The following ABLIM3 variants were observed in gnomAD, a reference collection of about 807,000 sequenced individuals.
The protein encoded by ABLIM3 is actin-binding LIM protein 3.
A neutral mutation model predicts 109.5 loss-of-function variants in ABLIM3; 61 were observed. That is an observed-to-expected ratio of 0.56 (90% CI 0.45 to 0.69). The LOEUF (loss-of-function observed/expected upper bound fraction) is 0.69, where lower values mean the gene tolerates loss of function less well. ABLIM3 is among the 30% of genes least tolerant of loss of function. The probability of loss-of-function intolerance (pLI) is 0.00; values close to 1 mark genes in which losing one functional copy is unlikely to be tolerated. For missense variants in ABLIM3, 796 were observed against 889.5 expected (o/e 0.89, Z 1.34); for synonymous variants, 300 against 324.8 (o/e 0.92, Z 0.82).
In ABLIM3 at chr5:149,142,081, T is replaced by G. The variant is rs777135830; in HGVS notation, c.-15T>G. Reference sequence around the variant, plus strand: ...CCTCCGTATTGAATGAAAGACCCAGTGCAAAGACATCACCATGAACACTAG... The same window carrying G: ...CCTCCGTATTGAATGAAAGACCCAGGGCAAAGACATCACCATGAACACTAG... On this transcript the variant is annotated 5_prime_UTR_variant, in exon 2 of 24. Coordinates refer to ENST00000309868, the MANE Select transcript of ABLIM3 (RefSeq NM_014945.5). 9 of 1,610,986 alleles carry G rather than the reference T, an allele frequency of 5.6e-6. No individual in the cohort carries two copies. Among genetic ancestry groups the G allele is most frequent in the Non-Finnish European group, 7.6e-6 (9 of 1,179,732 alleles).
chr5:149,227,624 C>A (rs1054708909), intron 8 of ABLIM3, among the ~76,000 whole-genome samples: 1 of 152,114 alleles, frequency 6.6e-6, no homozygotes, highest in African/African-American at 2.4e-5. Flanking sequence ...AGGGAGTTGG[C>A]GTCAGTGGCT....
At chr5:149,211,841 G>T (rs1165052487) in intron 7 of ABLIM3, among the ~76,000 whole-genome samples, 1 of 152,042 alleles carries the variant, frequency 6.6e-6, no homozygotes, top group African/African-American at 2.4e-5. Flanking sequence ...GATAGAGGAA[G>T]AATGAGCTTG....
At chr5:149,240,615 G>A (rs1166915513) in intron 13 of ABLIM3, 61 bp from the exon 14 acceptor site, 15 of 1,369,980 alleles carry the variant, frequency 1.1e-5, no homozygotes, top group Admixed American at 5.0e-5. Context: ...CTGCCACCGC[G>A]TTAATGCCTG....
chr5:149,230,663 C>T lies in ABLIM3; in HGVS notation c.772C>T (p.His258Tyr). The change falls in exon 9 of 24, where the codon CAC becomes TAC. Residue 258 changes from histidine to tyrosine, a missense_variant. His to Tyr is a moderately conservative substitution (Grantham distance 83). Transcript: ENST00000309868. ...EMYLTGSEVW[H>Y]PICKQAARAE... ...TGACCCCTTAGGTTCCGAGGTTTGG[C>T]ACCCCATCTGCAAACAGGCAGCCCG... 1 of 1,614,006 alleles carries T rather than the reference C, an allele frequency of 6.2e-7. No homozygotes were observed. Among genetic ancestry groups the T allele is most frequent in the Non-Finnish European group, 8.5e-7 (1 of 1,179,948 alleles).
chr5:149,144,584 C>T (rs1752756239), intron 2 of ABLIM3, among the ~76,000 whole-genome samples: 2 of 152,170 alleles, frequency 1.3e-5, no homozygotes, highest in South Asian at 4.1e-4. Flanking sequence ...CTCCACCAGC[C>T]ACCATGCTAA....
At chr5:149,147,424 G>A (rs1003586979) in intron 2 of ABLIM3, among the ~76,000 whole-genome samples, 3 of 152,062 alleles carry the variant, frequency 2.0e-5, no homozygotes, top group Admixed American at 1.3e-4. Context: ...TACTTGATAT[G>A]GTGAATTAAC....
chr5:149,254,969 A>C (rs1754301717), intron 23 of ABLIM3, among the ~76,000 whole-genome samples: 1 of 152,216 alleles, frequency 6.6e-6, no homozygotes, highest in Non-Finnish European at 1.5e-5. Flanking sequence ...ACACTGCCCC[A>C]GCCTCCTGCA....
chr5:149,242,411 C>A, intron 14 of ABLIM3, 80 bp from the exon 15 acceptor site: 1 of 1,430,890 alleles, frequency 7.0e-7, no homozygotes, highest in South Asian at 1.1e-5. Flanking sequence ...ATCAACTGAC[C>A]AAGTACTATC....
Position 149,252,494 on chromosome 5 carries a change from T to A in ABLIM3, c.1858-263T>A, listed in dbSNP as rs372760577. 1.5e-3 allele frequency: 847 copies of A among 551,990 alleles called. 7 individuals carry two copies. Among genetic ancestry groups the A allele is most frequent in the African/African-American group, 0.014 (732 of 53,090 alleles). 34.2% of individuals were successfully genotyped at this position (551,990 alleles called of 1,614,324 possible). ...AGACACTTACATTCGGGAGGTCATG[T>A]GCCCATATTATTCCATGGGCACATG... is the stretch of plus-strand genomic sequence containing the variant. On this transcript the variant is annotated intron_variant, in intron 22 of 23. Coordinates refer to ENST00000309868, the MANE Select transcript of ABLIM3 (RefSeq NM_014945.5).
chr5:149,173,473 C>T (rs975769008), intron 2 of ABLIM3, among the ~76,000 whole-genome samples: 8 of 152,052 alleles, frequency 5.3e-5, no homozygotes, highest in African/African-American at 1.9e-4. Context: ...CTGGTGTGGC[C>T]AGCATCATAG....
chr5:149,197,605 C>A (rs908635018), intron 3 of ABLIM3, among the ~76,000 whole-genome samples: 1 of 152,190 alleles, frequency 6.6e-6, no homozygotes, highest in Non-Finnish European at 1.5e-5. Context: ...GACTTCAAAT[C>A]ATCCATCCCA....
At chr5:149,258,162 A>G (rs1754610549) in intron 23 of ABLIM3, 129 bp from the exon 24 acceptor site, 2 of 678,582 alleles carry the variant, frequency 2.9e-6, no homozygotes, top group Admixed American at 5.6e-5. Flanking sequence ...CTCAGGCACC[A>G]TGCAAGGCAC....
intron 10 of ABLIM3, among the ~76,000 whole-genome samples, chr5:149,236,590 C>T (rs1204525668): frequency 6.6e-6 from 1 of 152,062 alleles, no homozygotes; most frequent in Non-Finnish European, 1.5e-5. Flanking sequence ...TCTTTCAATC[C>T]ATGCAGCTCT....
intron 8 of ABLIM3, 124 bp from the exon 9 acceptor site, chr5:149,230,525 G>C: frequency 2.0e-6 from 2 of 996,040 alleles, no homozygotes; most frequent in South Asian, 2.7e-5. Flanking sequence ...GGAAAGCCAA[G>C]AGGGCCCTTC....
rs1278729522 is a variant in ABLIM3, at chr5:149,149,559, G to A, written c.13+7451G>A. 2.6e-5 allele frequency among the ~76,000 whole-genome samples: 4 copies of A among 152,298 alleles called. No homozygotes were observed. In the East Asian group the frequency reaches 7.7e-4, roughly 29 times the overall value. ...TTGTATATGGCATGGGTTGAAAAAG[G>A]GAAGACAGGAAGTTAGGATCCCAAT... On this transcript the variant is annotated intron_variant, in intron 2 of 23. Transcript: ENST00000309868.
intron 2 of ABLIM3, chr5:149,176,894 C>G (rs1286931091): frequency 6.6e-6 from 1 of 152,202 alleles, no homozygotes; most frequent in Non-Finnish European, 1.5e-5. Context: ...CTCTTCCCAC[C>G]TCACCCTCTC....
intron 10 of ABLIM3, among the ~76,000 whole-genome samples, chr5:149,236,546 T>A (rs2127554035): frequency 6.6e-6 from 1 of 152,190 alleles, no homozygotes; most frequent in African/African-American, 2.4e-5. Flanking sequence ...TCAGGGGCCA[T>A]GAGATGCGGG....
chr5:149,166,871 T>C (rs149379339), intron 2 of ABLIM3, among the ~76,000 whole-genome samples: 1 of 152,330 alleles, frequency 6.6e-6, no homozygotes, highest in Non-Finnish European at 1.5e-5. Context: ...AGCAAGACTG[T>C]GTTCCAATAA....
In ABLIM3 at chr5:149,252,109, C is replaced by T. The variant is rs372280846; in HGVS notation, c.1850-92C>T. 128 of 1,458,696 alleles carry T rather than the reference C, an allele frequency of 8.8e-5. No homozygotes were observed. In the African/African-American group the frequency reaches 1.0e-3, roughly 12 times the overall value. 90.4% of individuals were successfully genotyped at this position (1,458,696 alleles called of 1,614,324 possible). Reference sequence around the variant, plus strand: ...AGAAGGAGACAATAGAGGCCAGACCCCCTGAGAGAGTAGGACAGAGGCCTG... The same window carrying T: ...AGAAGGAGACAATAGAGGCCAGACCTCCTGAGAGAGTAGGACAGAGGCCTG... On this transcript the variant is annotated intron_variant, in intron 21 of 23. Coordinates refer to ENST00000309868, the MANE Select transcript of ABLIM3 (RefSeq NM_014945.5).
Sources: gnomAD v4.1 joint callset for allele counts (sites outside exome capture counted in the v4.1 genomes callset) on GRCh38, gnomAD v4.1.1 for gene constraint, MANE v1.5 for transcripts, NCBI Gene and HGNC (gene_info 2026-07-23, HGNC 2026-07-21) for gene names.